DNM3: variants seen among roughly 807,000 people sequenced by gnomAD.
The protein encoded by DNM3 is dynamin-3.
A neutral mutation model predicts 101.6 loss-of-function variants in DNM3; 47 were observed. That is an observed-to-expected ratio of 0.46 (90% CI 0.37 to 0.59). DNM3 has a LOEUF of 0.59. Ranked by LOEUF, DNM3 falls within the 20% of genes least tolerant of loss-of-function variation. DNM3 has a pLI of 0.00. For synonymous variants in DNM3, 385 were observed against 387.9 expected, an observed-to-expected ratio of 0.99 and a Z score of 0.09; for missense variants, 849 against 1,085.7, an observed-to-expected ratio of 0.78 and a Z score of 3.06.
intron 14 of DNM3, among the ~76,000 whole-genome samples, chr1:172,227,302 A>C (rs1044672804): frequency 1.6e-5 from 2 of 127,574 alleles, no homozygotes; most frequent in Admixed American, 8.1e-5. Flanking sequence ...ATATATATAT[A>C]TATCACATTT....
In DNM3 at chr1:171,998,968, A is replaced by T. The variant is rs1300769036; in HGVS notation, c.589+9820A>T. On this transcript the variant is annotated intron_variant, in intron 4 of 20. Coordinates refer to ENST00000627582, the MANE Select transcript of DNM3 (RefSeq NM_015569.5). ...TGGTTGGTTCTGCAATCAGAGAGGT[A>T]GGCAGGGCCCAGATCATGTGGGGTT... 6.6e-5 allele frequency among the ~76,000 whole-genome samples: 10 copies of T among 152,110 alleles called. 1 individual carries two copies. Among genetic ancestry groups the T allele is most frequent in the Admixed American group, 6.5e-4 (10 of 15,270 alleles).
intron 17 of DNM3, among the ~76,000 whole-genome samples, chr1:172,339,994 A>G (rs1270856332): frequency 6.6e-6 from 1 of 152,160 alleles, no homozygotes. Context: ...TAAAGATAGT[A>G]TACTTCATCC....
At chr1:172,190,464 A>C (rs2059676586) in intron 14 of DNM3, among the ~76,000 whole-genome samples, 1 of 152,160 alleles carries the variant, frequency 6.6e-6, no homozygotes, top group Admixed American at 6.6e-5. Flanking sequence ...ATAGTGCCAC[A>C]ATAAACATAC....
At position 172,387,195 on chromosome 1, in the gene DNM3, CCTGATGGAGGAAT is replaced by C. The variant is rs756298631; in HGVS notation, c.2125_2137del (p.Met709LeufsTer17). ...TGTATTCTTCAGAGGACCAAAATAC[CCTGATGGAGGAAT>C]CTGCTGAGCAGGCTCAGCGCCGGGA... On this transcript the variant is annotated frameshift_variant, in exon 19 of 21. Transcript: ENST00000627582. LOFTEE classifies it high-confidence loss of function. 6.2e-7 allele frequency: 1 copy of C among 1,613,906 alleles called. No homozygotes were observed. The highest frequency in any genetic ancestry group is 8.5e-7 in the Non-Finnish European group (1 of 1,179,856).
intron 4 of DNM3, among the ~76,000 whole-genome samples, chr1:172,016,149 T>C (rs546151511): frequency 1.3e-5 from 2 of 148,424 alleles, no homozygotes; most frequent in Admixed American, 1.4e-4. Flanking sequence ...ATTGTGCCAC[T>C]GCACTCCAGT....
At chr1:172,413,194 G>A (rs116608987), downstream of DNM3, among the ~76,000 whole-genome samples, 86 of 152,258 alleles carry the variant, frequency 5.6e-4, no homozygotes, top group African/African-American at 2.0e-3. Context: ...GGCATAGACA[G>A]GACAATTTGC....
At chr1:172,195,964 C>T (rs1047026051) in intron 14 of DNM3, among the ~76,000 whole-genome samples, 1 of 151,328 alleles carries the variant, frequency 6.6e-6, no homozygotes, top group Non-Finnish European at 1.5e-5. Context: ...CGTAGGTAAA[C>T]TCATGTCACA....
chr1:172,024,415 A>G (rs2048053123), intron 4 of DNM3, among the ~76,000 whole-genome samples: 1 of 152,256 alleles, frequency 6.6e-6, no homozygotes, highest in Non-Finnish European at 1.5e-5. Flanking sequence ...AAATCCAGCT[A>G]TATTTTATAA....
intron 7 of DNM3, among the ~76,000 whole-genome samples, chr1:172,041,412 T>C (rs182652775): frequency 3.3e-4 from 50 of 152,082 alleles, no homozygotes; most frequent in Middle Eastern, 3.4e-3. Context: ...AATTGAGAGG[T>C]TGTTTTAAGT....
intron 20 of DNM3, among the ~76,000 whole-genome samples, chr1:172,391,020 C>T (rs1343402985): frequency 1.3e-5 from 2 of 152,090 alleles, no homozygotes; most frequent in Admixed American, 6.5e-5. Flanking sequence ...GTGGAGTTGC[C>T]GTTAGTATTT....
chr1:171,867,932 A>T (rs991686871), intron 1 of DNM3, among the ~76,000 whole-genome samples: 198 of 152,346 alleles, frequency 1.3e-3, no homozygotes, highest in African/African-American at 4.4e-3. Flanking sequence ...AAACTAAGAT[A>T]CTTTCTTATC....
chr1:172,208,802 C>A (rs138390972), intron 14 of DNM3, among the ~76,000 whole-genome samples: 29 of 152,224 alleles, frequency 1.9e-4, no homozygotes, highest in African/African-American at 6.7e-4. Flanking sequence ...AATAATGTAT[C>A]ATTTTCAGAT....
intron 4 of DNM3, among the ~76,000 whole-genome samples, chr1:172,009,242 T>G: frequency 6.8e-6 from 1 of 147,882 alleles, no homozygotes; most frequent in Non-Finnish European, 1.5e-5. Flanking sequence ...TGTCTGTGTG[T>G]ATCTAACCCT....
At chr1:172,040,468 A>T (rs114740966) in intron 7 of DNM3, among the ~76,000 whole-genome samples, 4 of 152,078 alleles carry the variant, frequency 2.6e-5, no homozygotes, top group Non-Finnish European at 5.9e-5. Context: ...ATCACAAATG[A>T]AAATAGTTGG....
At chr1:172,295,730 A>G (rs1486115058) in intron 15 of DNM3, among the ~76,000 whole-genome samples, 1 of 152,212 alleles carries the variant, frequency 6.6e-6, no homozygotes, top group South Asian at 2.1e-4. Context: ...GCACACAGTC[A>G]TGGCAAGATA....
intron 14 of DNM3, among the ~76,000 whole-genome samples, chr1:172,179,823 G>A (rs999710307): frequency 6.6e-6 from 1 of 151,932 alleles, no homozygotes; most frequent in African/African-American, 2.4e-5. Flanking sequence ...CAGAGCAGGT[G>A]TTATTACTTT....
intron 13 of DNM3, among the ~76,000 whole-genome samples, chr1:172,119,497 G>T (rs959496671): frequency 6.6e-6 from 1 of 151,662 alleles, no homozygotes; most frequent in South Asian, 2.1e-4. Context: ...TTCTAGCCCC[G>T]CCTCGGTTTC....
chr1:172,211,200 T>C (rs1218249373), intron 14 of DNM3, among the ~76,000 whole-genome samples: 3 of 152,096 alleles, frequency 2.0e-5, no homozygotes, highest in African/African-American at 7.2e-5. Context: ...GACTAACTAA[T>C]TAAGGCTTCA....
chr1:172,378,130 C>T (rs1044007167), intron 17 of DNM3: 1 of 151,974 alleles, frequency 6.6e-6, no homozygotes, highest in Non-Finnish European at 1.5e-5. Flanking sequence ...AACAATAATA[C>T]CTGTGTCATG....
Sources: allele counts gnomAD v4.1 joint callset (sites outside exome capture counted in the v4.1 genomes callset), GRCh38; gene constraint gnomAD v4.1.1; transcripts MANE v1.5; gene names NCBI Gene and HGNC (gene_info 2026-07-23, HGNC 2026-07-21).